Variants in KBTBD12 observed in about 807,000 individuals in gnomAD.
The protein encoded by KBTBD12 is kelch repeat and BTB domain containing 12.
Under a neutral mutation model 58.7 loss-of-function variants are expected in KBTBD12, and 53 were observed. The ratio of observed to expected loss-of-function variants is 0.90; its 90% CI spans 0.72 to 1.14. KBTBD12 has a LOEUF of 1.14. Among genes scored for constraint, KBTBD12 ranks in the 50% most tolerant of loss-of-function variants. The pLI, the probability that KBTBD12 is intolerant of heterozygous loss-of-function variation, is 0.00. For synonymous variants in KBTBD12, 236 were observed against 259.8 expected, an observed-to-expected ratio of 0.91 and a Z score of 0.88; for missense variants, 704 against 751.3, an observed-to-expected ratio of 0.94 and a Z score of 0.74.
chr3:127,926,319 C>T (rs1359109272), intron 2 of KBTBD12, among the ~76,000 whole-genome samples: 1 of 152,126 alleles, frequency 6.6e-6, no homozygotes, highest in Non-Finnish European at 1.5e-5. Flanking sequence ...TCAGAAAACC[C>T]AAACCCATTT....
rs116428636 is a variant in KBTBD12, at chr3:127,984,557, C to G, written c.*279C>G. 5.3e-3 allele frequency: 1,617 copies of G among 306,122 alleles called. 26 individuals carry two copies. Among genetic ancestry groups the G allele is most frequent in the African/African-American group, 0.032 (1,501 of 46,958 alleles). 19.0% of individuals were successfully genotyped at this position (306,122 alleles called of 1,614,324 possible). A position where few individuals can be genotyped will look rare whatever the true frequency, so the allele number is the denominator to read the frequency against. On this transcript the variant is annotated 3_prime_UTR_variant, in exon 6 of 6. Transcript: ENST00000405109. Reference sequence around the variant, plus strand: ...AGAGCAGCAGAGGGAGGGTCTCACTCTGCTGGGGACCCATGAACAGCACTG... The same window carrying G: ...AGAGCAGCAGAGGGAGGGTCTCACTGTGCTGGGGACCCATGAACAGCACTG...
At chr3:127,971,254 T>G (rs1940678354) in intron 5 of KBTBD12, among the ~76,000 whole-genome samples, 1 of 152,174 alleles carries the variant, frequency 6.6e-6, no homozygotes, top group South Asian at 2.1e-4. Flanking sequence ...AAAAGATTCC[T>G]GTGGTTGGCA....
At chr3:127,978,462 T>G (rs1334923042) in intron 5 of KBTBD12, among the ~76,000 whole-genome samples, 2 of 152,216 alleles carry the variant, frequency 1.3e-5, no homozygotes, top group Admixed American at 1.3e-4. Context: ...TCTCATTTTT[T>G]TCCCTTGATA....
intron 4 of KBTBD12, among the ~76,000 whole-genome samples, chr3:127,945,377 G>C (rs916488168): frequency 1.3e-5 from 2 of 150,670 alleles, no homozygotes; most frequent in African/African-American, 4.9e-5. Flanking sequence ...GTAGAGACAG[G>C]GTTTCACCCT....
intron 1 of KBTBD12, among the ~76,000 whole-genome samples, chr3:127,918,483 C>T (rs1234420290): frequency 2.0e-5 from 3 of 152,074 alleles, no homozygotes; most frequent in Admixed American, 6.5e-5. Flanking sequence ...GAGGCCGAGG[C>T]GGGCAGATCA....
At chr3:127,970,258 A>G (rs1225603069) in intron 5 of KBTBD12, among the ~76,000 whole-genome samples, 2 of 152,204 alleles carry the variant, frequency 1.3e-5, no homozygotes, top group Non-Finnish European at 2.9e-5. Flanking sequence ...GATGACTACA[A>G]TGAAAAAAAG....
intron 5 of KBTBD12, among the ~76,000 whole-genome samples, chr3:127,965,544 A>G (rs1166280519): frequency 1.3e-5 from 2 of 152,216 alleles, no homozygotes; most frequent in Non-Finnish European, 2.9e-5. Context: ...TACTTGTCTC[A>G]TTTATTTTTT....
intron 4 of KBTBD12, among the ~76,000 whole-genome samples, chr3:127,955,014 ATC>A (rs1339792050): frequency 6.6e-6 from 1 of 152,032 alleles, no homozygotes; most frequent in Non-Finnish European, 1.5e-5. Flanking sequence ...TGTTTTACTC[ATC>A]TCTGTGTGTC....
intron 4 of KBTBD12, among the ~76,000 whole-genome samples, chr3:127,936,509 ACTTAC>A (rs1939834904): frequency 1.3e-5 from 2 of 152,170 alleles, no homozygotes; most frequent in South Asian, 4.1e-4. Flanking sequence ...AACCAACTTT[ACTTAC>A]CTTTACTGGT....
At chr3:127,925,324 G>T (rs559216472) in intron 2 of KBTBD12, among the ~76,000 whole-genome samples, 2 of 152,282 alleles carry the variant, frequency 1.3e-5, no homozygotes, top group Non-Finnish European at 2.9e-5. Flanking sequence ...CCCACAGGAA[G>T]AGGAAGCCTT....
chr3:127,916,451 T>C (rs929038039), intron 1 of KBTBD12, among the ~76,000 whole-genome samples: 1 of 152,080 alleles, frequency 6.6e-6, no homozygotes, highest in African/African-American at 2.4e-5. Context: ...TAGGATAATG[T>C]AAATGGACAG....
intron 5 of KBTBD12, among the ~76,000 whole-genome samples, chr3:127,979,246 C>G (rs765884496): frequency 5.9e-5 from 9 of 152,132 alleles, no homozygotes; most frequent in South Asian, 2.1e-4. Flanking sequence ...TCAGATCATA[C>G]AAGAGAGAAG....
intron 5 of KBTBD12, among the ~76,000 whole-genome samples, chr3:127,980,876 A>G (rs1217363323): frequency 6.6e-6 from 1 of 152,180 alleles, no homozygotes; most frequent in Non-Finnish European, 1.5e-5. Context: ...AATCATACAA[A>G]TTCTATTTTA....
At chr3:127,968,016 A>G (rs1228687843) in intron 5 of KBTBD12, among the ~76,000 whole-genome samples, 1 of 152,232 alleles carries the variant, frequency 6.6e-6, no homozygotes, top group African/African-American at 2.4e-5. Context: ...TAAGCTCAGC[A>G]TTTCTCTGCA....
intron 4 of KBTBD12, among the ~76,000 whole-genome samples, chr3:127,937,365 T>C (rs1939853336): frequency 6.6e-6 from 1 of 152,164 alleles, no homozygotes; most frequent in South Asian, 2.1e-4. Flanking sequence ...ACTTTATAAC[T>C]GCAAGGGATG....
intron 5 of KBTBD12, among the ~76,000 whole-genome samples, chr3:127,978,721 A>G (rs1438908168): frequency 1.3e-5 from 2 of 152,176 alleles, no homozygotes; most frequent in African/African-American, 4.8e-5. Context: ...TGACCAGGGA[A>G]ACTTTGGTCC....
At position 127,984,794 on chromosome 3, in the gene KBTBD12, G is replaced by C. The variant is rs1044751921; in HGVS notation, c.*516G>C. 1.3e-5 allele frequency: 2 copies of C among 152,638 alleles called. No individual in the cohort carries two copies. Among genetic ancestry groups the C allele is most frequent in the African/African-American group, 4.8e-5 (2 of 41,462 alleles). The allele number at this position is 152,638 out of a possible 1,614,324, so 9.5% of individuals were successfully genotyped here. ...AGTAGGTTGTAGCTAGATGACCAACGCCTGAAAGAATGAGGAGTTGGACCT... is the reference window on the plus strand; with the variant it reads ...AGTAGGTTGTAGCTAGATGACCAACCCCTGAAAGAATGAGGAGTTGGACCT... On this transcript the variant is annotated 3_prime_UTR_variant, in exon 6 of 6. Coordinates refer to ENST00000405109, the MANE Select transcript of KBTBD12 (RefSeq NM_207335.4).
At chr3:127,939,424 A>T (rs1443837730) in intron 4 of KBTBD12, among the ~76,000 whole-genome samples, 1 of 152,154 alleles carries the variant, frequency 6.6e-6, no homozygotes, top group African/African-American at 2.4e-5. Context: ...GATCTCAGGG[A>T]GGGTTTTTCA....
rs550054378 is a variant in KBTBD12 at position 127,915,865 on chromosome 3, A to G, written c.-113+279A>G. Among the ~76,000 whole-genome samples, 8 of 152,312 alleles carry G rather than the reference A, an allele frequency of 5.3e-5. No homozygotes were observed. In the East Asian group the frequency reaches 1.5e-3, roughly 29 times the overall value. On this transcript the variant is annotated intron_variant, in intron 1 of 5. Coordinates refer to ENST00000405109, the MANE Select transcript of KBTBD12 (RefSeq NM_207335.4). ...TATCATCCTCCGAATTACCTGACCAATGTATTATTGTGCCTTCCGTCGCTA... is the reference window on the plus strand; with the variant it reads ...TATCATCCTCCGAATTACCTGACCAGTGTATTATTGTGCCTTCCGTCGCTA...
Sources: gnomAD v4.1 joint callset for allele counts (sites outside exome capture counted in the v4.1 genomes callset) on GRCh38, gnomAD v4.1.1 for gene constraint, MANE v1.5 for transcripts, NCBI Gene and HGNC (gene_info 2026-07-23, HGNC 2026-07-21) for gene names.